Variants in ADAMTSL1 observed in about 807,000 individuals in gnomAD.
ADAMTSL1 encodes ADAMTS-like protein 1.
In ADAMTSL1, 126 loss-of-function variants were observed where a neutral mutation model predicts 201.8. The ratio of observed to expected loss-of-function variants is 0.62; its 90% confidence interval spans 0.54 to 0.72. The LOEUF (loss-of-function observed/expected upper bound fraction) is 0.72. Ranked by LOEUF, ADAMTSL1 falls within the 30% of genes least tolerant of loss-of-function variation. The pLI is 0.00. For synonymous variants in ADAMTSL1, 1,121 were observed against 903.4 expected, an observed-to-expected ratio of 1.24 and a Z score of -4.32; for missense variants, 2,679 against 2,277.8, an observed-to-expected ratio of 1.18 and a Z score of -3.59.
Position 18,302,380 on chromosome 9 carries a change from A to G in ADAMTSL1, c.207+138399A>G, listed in dbSNP as rs557696213. 3.3e-5 allele frequency among the ~76,000 whole-genome samples: 5 copies of G among 152,324 alleles called. No homozygotes were observed. The South Asian group carries it at 8.3e-4, about 25-fold the overall frequency. ...ACACTTAGTGATGAAAGTATGTGTT[A>G]TACCTTCAGTATGCTGGGGCAAAAA... On this transcript the variant is annotated intron_variant, in intron 2 of 29. Coordinates refer to the ADAMTSL1 transcript ENST00000680146.
intron 4 of ADAMTSL1, among the ~76,000 whole-genome samples, chr9:18,577,073 G>A (rs1266410440): frequency 6.6e-6 from 1 of 152,146 alleles, no homozygotes; most frequent in African/African-American, 2.4e-5. Flanking sequence ...CAACTCTTAA[G>A]ACCTGTCTTC....
intron 2 of ADAMTSL1, among the ~76,000 whole-genome samples, chr9:18,315,540 G>A (rs879402928): frequency 5.3e-5 from 8 of 152,116 alleles, no homozygotes; most frequent in Admixed American, 2.0e-4. Flanking sequence ...TGGGTGGGCC[G>A]GCAGTGCTGG....
chr9:17,928,876 C>T (rs1195658255), intron 1 of ADAMTSL1, among the ~76,000 whole-genome samples: 3 of 152,110 alleles, frequency 2.0e-5, no homozygotes, highest in Non-Finnish European at 4.4e-5. Context: ...GAGCAACAGA[C>T]AAGGTAGAAT....
At chr9:18,152,595 G>C (rs1272199539) in intron 1 of ADAMTSL1, among the ~76,000 whole-genome samples, 2 of 151,942 alleles carry the variant, frequency 1.3e-5, no homozygotes, top group Non-Finnish European at 2.9e-5. Flanking sequence ...CAAAGGAATG[G>C]CCAGTGAGTT....
chr9:18,005,797 T>C (rs1267712789), intron 1 of ADAMTSL1, among the ~76,000 whole-genome samples: 1 of 151,934 alleles, frequency 6.6e-6, no homozygotes, highest in Non-Finnish European at 1.5e-5. Context: ...TTTAGGTGAG[T>C]TTACTAAATC....
At chr9:18,890,666 T>C (rs1445501585) in intron 25 of ADAMTSL1, 4 of 454,480 alleles carry the variant, frequency 8.8e-6, no homozygotes, top group African/African-American at 6.0e-5. Flanking sequence ...GAATGATTAA[T>C]GTCCTTTTAT....
intron 2 of ADAMTSL1, among the ~76,000 whole-genome samples, chr9:18,342,135 T>C (rs1835490444): frequency 2.0e-5 from 3 of 152,180 alleles, no homozygotes; most frequent in Non-Finnish European, 1.5e-5. Flanking sequence ...TTCTTTTCTA[T>C]GAAATTTTTC....
intron 2 of ADAMTSL1, among the ~76,000 whole-genome samples, chr9:18,370,597 A>G (rs1438258583): frequency 1.3e-5 from 2 of 151,676 alleles, no homozygotes; most frequent in East Asian, 3.9e-4. Flanking sequence ...TATAGCCTTC[A>G]TTTTATTTAT....
intron 1 of ADAMTSL1, among the ~76,000 whole-genome samples, chr9:17,933,180 G>C (rs1048052908): frequency 2.0e-5 from 3 of 152,144 alleles, no homozygotes; most frequent in African/African-American, 2.4e-5. Flanking sequence ...CCCTGGGGAA[G>C]GATCTGTTCC....
rs189666383 is a variant in ADAMTSL1 at position 18,825,192 on chromosome 9, C to T, written c.3935-1092C>T. The stretch of plus-strand genomic sequence containing the variant: ...CTCCTATAGGATCCTCCTAAAACAG[C>T]ATCTAGGAAGGCTCATCCTAAACTC... On this transcript the variant is annotated intron_variant, in intron 21 of 28. Transcript: ENST00000380548. Among the ~76,000 whole-genome samples, 8 of 152,250 alleles carry T rather than the reference C, an allele frequency of 5.3e-5. No individual in the cohort carries two copies. The East Asian group carries it at 1.5e-3, about 29-fold the overall frequency.
chr9:18,723,805 T>C (rs1186899918), intron 15 of ADAMTSL1: 1 of 152,262 alleles, frequency 6.6e-6, no homozygotes, highest in Non-Finnish European at 1.5e-5. Context: ...AAAATGATAA[T>C]TGTATAGAGG....
rs145915496 is a variant in ADAMTSL1 at position 18,636,212 on chromosome 9, C to A, written c.676+195C>A. 5.5e-3 allele frequency among the ~76,000 whole-genome samples: 836 copies of A among 152,218 alleles called. 7 individuals are homozygous for A. Among genetic ancestry groups the A allele is most frequent in the African/African-American group, 0.019 (788 of 41,528 alleles). On this transcript the variant is annotated intron_variant, in intron 6 of 28. Transcript: ENST00000380548. The stretch of plus-strand genomic sequence containing the variant: ...AACCCCTGTAGTAATTATCTTTAAC[C>A]ACAGTCATCCTGAAAAATACAAAAT...
intron 2 of ADAMTSL1, among the ~76,000 whole-genome samples, chr9:18,262,799 GC>G (rs1397604761): frequency 6.6e-6 from 1 of 152,214 alleles, no homozygotes; most frequent in Admixed American, 6.5e-5. Context: ...AAGTAGGAGA[GC>G]AAGAGACTAT....
intron 3 of ADAMTSL1, among the ~76,000 whole-genome samples, chr9:18,547,401 A>C (rs1278400962): frequency 6.6e-6 from 1 of 151,984 alleles, no homozygotes; most frequent in Admixed American, 6.6e-5. Context: ...GCAAGAGAAA[A>C]AGTCCATGGA....
At chr9:18,310,723 G>A (rs1338816205) in intron 2 of ADAMTSL1, among the ~76,000 whole-genome samples, 4 of 152,170 alleles carry the variant, frequency 2.6e-5, no homozygotes, top group African/African-American at 4.8e-5. Flanking sequence ...TAGAGAGGAC[G>A]TGGAGAAATA....
At chr9:18,283,799 C>G (rs1180128347) in intron 2 of ADAMTSL1, among the ~76,000 whole-genome samples, 6 of 150,050 alleles carry the variant, frequency 4.0e-5, no homozygotes, top group African/African-American at 1.2e-4. Context: ...GTAGTCCCAG[C>G]TACTCGGGAG....
chr9:18,818,587 T>C (rs1016411681), intron 21 of ADAMTSL1, among the ~76,000 whole-genome samples: 2 of 151,970 alleles, frequency 1.3e-5, no homozygotes, highest in African/African-American at 2.4e-5. Flanking sequence ...AGCCCTGGAG[T>C]TGAAGACCAG....
intron 4 of ADAMTSL1, among the ~76,000 whole-genome samples, chr9:18,621,038 C>A (rs1799920178): frequency 6.6e-6 from 1 of 152,066 alleles, no homozygotes; most frequent in Non-Finnish European, 1.5e-5. Context: ...ATATTAACAA[C>A]CAGATTTTTG....
At chr9:18,594,628 T>C (rs1048799319) in intron 4 of ADAMTSL1, among the ~76,000 whole-genome samples, 1 of 152,246 alleles carries the variant, frequency 6.6e-6, no homozygotes, top group Admixed American at 6.5e-5. Context: ...TTCACTTTAT[T>C]CATTATATGT....
Sources: gnomAD v4.1 joint callset for allele counts (sites outside exome capture counted in the v4.1 genomes callset) on GRCh38, gnomAD v4.1.1 for gene constraint, MANE v1.5 for transcripts, NCBI Gene and HGNC (gene_info 2026-07-23, HGNC 2026-07-21) for gene names.